KIRREL1: variants seen among roughly 807,000 people sequenced by gnomAD.
KIRREL1 encodes kin of IRRE-like protein 1.
Under a neutral mutation model 83.3 loss-of-function variants are expected in KIRREL1, and 25 were observed. That is an observed-to-expected ratio of 0.30 (90% CI 0.22 to 0.42). KIRREL1 has a LOEUF of 0.42. KIRREL1 is among the 10% of genes least tolerant of loss of function. The pLI is 1.00. For synonymous variants in KIRREL1, 388 were observed against 410.4 expected (o/e 0.95, Z 0.66); for missense variants, 812 against 1,032.3 (o/e 0.79, Z 2.92).
chr1:158,001,080 C>A (rs1659348093), intron 1 of KIRREL1, among the ~76,000 whole-genome samples: 1 of 152,218 alleles, frequency 6.6e-6, no homozygotes, highest in Non-Finnish European at 1.5e-5. Context: ...CTGTCCCATC[C>A]TAGGTCCGCT....
chr1:158,089,771 G>A lies in KIRREL1; in HGVS notation c.1225G>A (p.Gly409Ser). The change falls in exon 10 of 15, where the codon GGC (glycine) becomes AGC (serine). Residue 409 changes from glycine (G) to serine (S), a missense_variant. Gly to Ser is a moderately conservative substitution (Grantham distance 56). Coordinates refer to ENST00000359209, the MANE Select transcript of KIRREL1 (RefSeq NM_018240.7). Reference sequence around the variant, plus strand: ...GCAGTATGCTGTGAGGGGTGACGGTGGCAAGGTGGAGTGTTTCATTGGGAG... The same window carrying A: ...GCAGTATGCTGTGAGGGGTGACGGTAGCAAGGTGGAGTGTTTCATTGGGAG... ...AVQYAVRGDG[G>S]KVECFIGSTP... The A allele has an allele frequency of 6.2e-7, 1 of 1,614,154 alleles. No individual in the cohort carries two copies. The highest frequency in any genetic ancestry group is 8.5e-7 in the Non-Finnish European group (1 of 1,180,036).
At chr1:158,074,052 A>G (rs1030119417) in intron 1 of KIRREL1, among the ~76,000 whole-genome samples, 3 of 152,224 alleles carry the variant, frequency 2.0e-5, no homozygotes, top group Admixed American at 2.0e-4. Flanking sequence ...GAAATGCGCA[A>G]GGATATGAAT....
intron 1 of KIRREL1, among the ~76,000 whole-genome samples, chr1:157,994,390 G>A (rs918119879): frequency 6.6e-6 from 1 of 151,214 alleles, no homozygotes; most frequent in Admixed American, 6.6e-5. Context: ...GATACAGAGG[G>A]GGGGAACTCA....
intron 1 of KIRREL1, among the ~76,000 whole-genome samples, chr1:158,068,641 C>G (rs1447102536): frequency 6.6e-6 from 1 of 152,236 alleles, no homozygotes; most frequent in Non-Finnish European, 1.5e-5. Context: ...CTTGCCTTCT[C>G]TTCTCCTCTA....
At chr1:157,993,805 C>A in intron 1 of KIRREL1, 77 bp downstream of exon 1, 2 of 978,948 alleles carry the variant, frequency 2.0e-6, no homozygotes, top group Non-Finnish European at 2.9e-6. Flanking sequence ...TGGGAGAGTG[C>A]TGGAGTGCCC....
intron 4 of KIRREL1, among the ~76,000 whole-genome samples, chr1:158,086,321 G>T (rs1662011285): frequency 6.6e-6 from 1 of 152,072 alleles, no homozygotes. Flanking sequence ...TCAGGCAGGA[G>T]GATTGCTTGA....
At chr1:158,018,351 A>G (rs1230552023) in intron 1 of KIRREL1, among the ~76,000 whole-genome samples, 1 of 152,142 alleles carries the variant, frequency 6.6e-6, no homozygotes, top group Non-Finnish European at 1.5e-5. Flanking sequence ...GTCAGGGGGC[A>G]GGGGAAGGGC....
Position 158,088,017 on chromosome 1 carries a change from G to C in KIRREL1, c.779G>C (p.Gly260Ala), listed in dbSNP as rs1162124541. 2 of 1,614,154 alleles carry C rather than the reference G, an allele frequency of 1.2e-6. No individual in the cohort carries two copies. Among genetic ancestry groups the C allele is most frequent in the Non-Finnish European group, 1.7e-6 (2 of 1,180,030 alleles). The change falls in exon 7 of 15, where the codon GGG (glycine) becomes GCG (alanine). Residue 260 changes from glycine to alanine, a missense_variant. By Grantham distance (60) the Gly-to-Ala change is moderately conservative (BLOSUM62 0). This residue lies in a region of KIRREL1 where 472 missense variants were observed against 626.8 expected (regional missense o/e 0.75). Coordinates refer to ENST00000359209, the MANE Select transcript of KIRREL1 (RefSeq NM_018240.7). ...GCCTCCTCCCCTAGGTGGGCCAAAG[G>C]GGGTTTCTTGATTGAAGACGCCCAC... ...PEILGYRWAK[G>A]GFLIEDAHES... is the part of the protein sequence containing the mutation.
chr1:158,063,088 A>G (rs535925225), intron 1 of KIRREL1, among the ~76,000 whole-genome samples: 44 of 152,276 alleles, frequency 2.9e-4, no homozygotes, highest in Non-Finnish European at 1.2e-4. Context: ...CTCTTCTCCC[A>G]GTTCTCTGGC....
At chr1:158,010,770 C>T (rs1233710646) in intron 1 of KIRREL1, among the ~76,000 whole-genome samples, 1 of 152,076 alleles carries the variant, frequency 6.6e-6, no homozygotes, top group Non-Finnish European at 1.5e-5. Flanking sequence ...CTCCTCCTCT[C>T]CTAAATGAAA....
intron 1 of KIRREL1, among the ~76,000 whole-genome samples, chr1:158,069,167 AAGC>A (rs1210742433): frequency 6.6e-6 from 1 of 152,102 alleles, no homozygotes; most frequent in Non-Finnish European, 1.5e-5. Context: ...AGAGACACGG[AAGC>A]AGACGGGCAT....
intron 1 of KIRREL1, among the ~76,000 whole-genome samples, chr1:158,006,197 G>C (rs1659516238): frequency 6.6e-6 from 1 of 152,126 alleles, no homozygotes; most frequent in Non-Finnish European, 1.5e-5. Flanking sequence ...TCTTTAGGTT[G>C]GACTAATTTG....
chr1:158,058,243 CACTT>C, intron 1 of KIRREL1, among the ~76,000 whole-genome samples: 1 of 152,292 alleles, frequency 6.6e-6, no homozygotes, highest in South Asian at 2.1e-4. Flanking sequence ...ATGAGGAAGA[CACTT>C]CCTTCCTGCC....
intron 1 of KIRREL1, among the ~76,000 whole-genome samples, chr1:158,020,555 C>G (rs1659976078): frequency 7.9e-6 from 1 of 127,146 alleles, no homozygotes; most frequent in African/African-American, 2.9e-5. Flanking sequence ...CCGTCTCTTG[C>G]CTCTTTTCCC....
chr1:158,052,307 C>T (rs1382626404), intron 1 of KIRREL1, among the ~76,000 whole-genome samples: 3 of 152,156 alleles, frequency 2.0e-5, no homozygotes, highest in Non-Finnish European at 4.4e-5. Context: ...AGCCAACCCA[C>T]CCAACATTCC....
intron 4 of KIRREL1, among the ~76,000 whole-genome samples, 159 bp from the exon 5 acceptor site, chr1:158,086,423 AACACACACACACAC>A (rs61585802): frequency 6.7e-6 from 1 of 148,294 alleles, no homozygotes; most frequent in Non-Finnish European, 1.5e-5. Flanking sequence ...CTATTGATTA[AACACACACACACAC>A]ACACACACAC....
chr1:158,015,710 T>C (rs1215480992), intron 1 of KIRREL1, among the ~76,000 whole-genome samples: 1 of 152,212 alleles, frequency 6.6e-6, no homozygotes, highest in Non-Finnish European at 1.5e-5. Flanking sequence ...GAAATTTTCC[T>C]CTTTGCACTG....
intron 1 of KIRREL1, among the ~76,000 whole-genome samples, chr1:158,063,233 A>C (rs1661262983): frequency 6.6e-6 from 1 of 152,266 alleles, no homozygotes; most frequent in Non-Finnish European, 1.5e-5. Flanking sequence ...CCAGAGCTAT[A>C]AAAGGCTAAC....
intron 1 of KIRREL1, among the ~76,000 whole-genome samples, chr1:158,049,633 T>A (rs1660862082): frequency 6.6e-6 from 1 of 152,302 alleles, no homozygotes; most frequent in South Asian, 2.1e-4. Flanking sequence ...TTGTTGGGAA[T>A]GGACTTAAGA....
Sources: allele counts gnomAD v4.1 joint callset (sites outside exome capture counted in the v4.1 genomes callset), GRCh38; gene constraint gnomAD v4.1.1; regional missense constraint gnomAD v4.1.1; transcripts MANE v1.5; gene names NCBI Gene and HGNC (gene_info 2026-07-23, HGNC 2026-07-21).